Variants in ARHGAP44 observed in about 807,000 individuals in gnomAD.
ARHGAP44 encodes the protein rho GTPase-activating protein 44.
Under a neutral mutation model 106.8 loss-of-function variants are expected in ARHGAP44, and 43 were observed. The observed-to-expected ratio is 0.40, with a 90% CI of 0.32 to 0.52. The LOEUF is 0.52. Among genes scored for constraint, ARHGAP44 ranks in the 20% least tolerant of loss-of-function variants. The probability of loss-of-function intolerance (pLI) is 0.48; values close to 1 mark genes in which losing one functional copy is unlikely to be tolerated. For synonymous variants in ARHGAP44, 439 were observed against 410.3 expected, an observed-to-expected ratio of 1.07 and a Z score of -0.85; for missense variants, 866 against 1,050.5, an observed-to-expected ratio of 0.82 and a Z score of 2.43.
At chr17:12,816,109 T>C (rs1186717598) in intron 1 of ARHGAP44, among the ~76,000 whole-genome samples, 1 of 152,150 alleles carries the variant, frequency 6.6e-6, no homozygotes, top group Admixed American at 6.5e-5. Context: ...GTACCTTAGT[T>C]GCAGTATGCA....
chr17:12,900,088 A>T (rs1232507006), intron 3 of ARHGAP44, among the ~76,000 whole-genome samples: 1 of 152,112 alleles, frequency 6.6e-6, no homozygotes, highest in Non-Finnish European at 1.5e-5. Flanking sequence ...AAGAATAGAA[A>T]GCATATGAAT....
At chr17:12,905,559 A>T (rs556398734) in intron 3 of ARHGAP44, among the ~76,000 whole-genome samples, 141 of 152,040 alleles carry the variant, frequency 9.3e-4, no homozygotes, top group Non-Finnish European at 1.5e-3. Context: ...ACCTTCGTTC[A>T]TTTGGTCCCC....
chr17:12,802,753 CTTTTTTTTTTT>C (rs869172678), intron 1 of ARHGAP44, among the ~76,000 whole-genome samples: 6 of 108,712 alleles, frequency 5.5e-5, no homozygotes, highest in East Asian at 3.2e-4. Flanking sequence ...TTTTTTATTT[CTTTTTTTTTTT>C]TTTTTTTTTT....
intron 1 of ARHGAP44, among the ~76,000 whole-genome samples, chr17:12,881,535 G>A (rs527686696): frequency 4.6e-5 from 7 of 151,978 alleles, no homozygotes; most frequent in Non-Finnish European, 7.4e-5. Flanking sequence ...TTCAGTGACC[G>A]ATGCAAACAT....
intron 2 of ARHGAP44, among the ~76,000 whole-genome samples, chr17:12,896,019 C>G (rs538519855): frequency 6.7e-6 from 1 of 149,774 alleles, no homozygotes; most frequent in South Asian, 2.1e-4. Context: ...AATCAAACAC[C>G]ACATGTTCTC....
intron 1 of ARHGAP44, among the ~76,000 whole-genome samples, chr17:12,877,674 C>T (rs1369609289): frequency 5.9e-5 from 9 of 151,842 alleles, no homozygotes; most frequent in East Asian, 1.9e-4. Context: ...GGCATGAACC[C>T]GGGAGGCGGA....
At chr17:12,984,384 G>T in intron 19 of ARHGAP44, 147 bp from the exon 20 acceptor site, 1 of 743,144 alleles carries the variant, frequency 1.3e-6, no homozygotes, top group Non-Finnish European at 1.9e-6. Context: ...GCAAGAGGCC[G>T]GGGGGCAGGG....
intron 1 of ARHGAP44, among the ~76,000 whole-genome samples, chr17:12,817,867 A>C (rs748913357): frequency 3.9e-5 from 6 of 152,050 alleles, no homozygotes; most frequent in Non-Finnish European, 8.8e-5. Context: ...TACTTTTATT[A>C]CTATAAATAG....
At chr17:12,984,483 C>A (rs1044612235) in intron 19 of ARHGAP44, 48 bp from the exon 20 acceptor site, 21 of 1,498,858 alleles carry the variant, frequency 1.4e-5, no homozygotes, top group Non-Finnish European at 1.9e-5. Context: ...CAAGTGGCTT[C>A]ATTCAACAAC....
chr17:12,956,681 T>A lies in ARHGAP44; in HGVS notation c.1277T>A (p.Val426Glu). The change falls in exon 15 of 21, where the codon GTG becomes GAG. Residue 426 changes from valine to glutamate, a missense_variant. Around this residue, in one of 2 missense-constraint regions of ARHGAP44, gnomAD observed 448 missense variants for 646.9 expected, o/e 0.69. Coordinates refer to ENST00000379672, the MANE Select transcript of ARHGAP44 (RefSeq NM_014859.6). ...EGNITEMMTTVSLQIVGIIEP... is the reference protein window; with the variant it reads ...EGNITEMMTTESLQIVGIIEP... ...AACATTACAGAGATGATGACCACAG[T>A]GTCGCTGCAAATTGTTGGGATCATT... 1 of 1,614,148 alleles carries A rather than the reference T, an allele frequency of 6.2e-7. No homozygotes were observed. The highest frequency in any genetic ancestry group is 8.5e-7 in the Non-Finnish European group (1 of 1,180,020).
intron 3 of ARHGAP44, among the ~76,000 whole-genome samples, chr17:12,901,130 G>A (rs927355623): frequency 2.0e-5 from 3 of 151,882 alleles, no homozygotes; most frequent in African/African-American, 7.3e-5. Context: ...CACCATGTTG[G>A]CCAGGCTGGT....
At chr17:12,882,912 GTTGCACTGTGTT>G (rs2036780999) in intron 1 of ARHGAP44, among the ~76,000 whole-genome samples, 1 of 151,850 alleles carries the variant, frequency 6.6e-6, no homozygotes, top group Non-Finnish European at 1.5e-5. Context: ...CTCAGAATGA[GTTGCACTGTGTT>G]ACTTCTTTTT....
At chr17:12,867,399 T>G (rs2036264854) in intron 1 of ARHGAP44, among the ~76,000 whole-genome samples, 1 of 151,982 alleles carries the variant, frequency 6.6e-6, no homozygotes, top group African/African-American at 2.4e-5. Context: ...ATGTAAAGAG[T>G]AAGTCCCTGT....
intron 8 of ARHGAP44, among the ~76,000 whole-genome samples, chr17:12,942,358 G>C (rs111264131): frequency 0.01 from 1,530 of 152,266 alleles, 26 homozygotes; most frequent in African/African-American, 0.035. Context: ...TGTTGGCCAG[G>C]CTGGTCTGGA....
chr17:12,817,816 A>G (rs2034640415), intron 1 of ARHGAP44, among the ~76,000 whole-genome samples: 1 of 152,032 alleles, frequency 6.6e-6, no homozygotes, highest in Admixed American at 6.5e-5. Context: ...AAATTCACCA[A>G]AGAAGAAATA....
At chr17:12,845,069 A>G (rs2035524370) in intron 1 of ARHGAP44, among the ~76,000 whole-genome samples, 1 of 152,206 alleles carries the variant, frequency 6.6e-6, no homozygotes, top group Non-Finnish European at 1.5e-5. Context: ...GAGGGTTTAT[A>G]GAAGATTGCC....
At chr17:12,886,726 A>G (rs988354886) in intron 1 of ARHGAP44, among the ~76,000 whole-genome samples, 4 of 152,038 alleles carry the variant, frequency 2.6e-5, no homozygotes, top group Non-Finnish European at 2.9e-5. Context: ...CTATTATATC[A>G]TCTGCAAATG....
rs11373135 is a variant in ARHGAP44 at position 12,849,594 on chromosome 17, T to TTTTTTTTTTG, written c.54-45346_54-45345insTTTTTTTTTG. Among the ~76,000 whole-genome samples, 11 of 112,456 alleles carry TTTTTTTTTTG rather than the reference T, an allele frequency of 9.8e-5. 2 individuals are homozygous for TTTTTTTTTTG. The highest frequency in any genetic ancestry group is 3.1e-4 in the African/African-American group (7 of 22,812). 73.8% of individuals were successfully genotyped at this position (112,456 alleles called of 152,430 possible). ...TTTTTTTTTTTTTTTTTTTTTTTTT[T>TTTTTTTTTTG]GCTTGGCTTCAGCGTTTTCACCTTG... On this transcript the variant is annotated intron_variant, in intron 1 of 20. Coordinates refer to ENST00000379672, the MANE Select transcript of ARHGAP44 (RefSeq NM_014859.6).
At chr17:12,901,595 G>A (rs1450835510) in intron 3 of ARHGAP44, among the ~76,000 whole-genome samples, 1 of 152,044 alleles carries the variant, frequency 6.6e-6, no homozygotes, top group African/African-American at 2.4e-5. Flanking sequence ...GAGTGGATGT[G>A]GGCGTATGAA....
Sources: allele counts gnomAD v4.1 joint callset (sites outside exome capture counted in the v4.1 genomes callset), GRCh38; gene constraint gnomAD v4.1.1; regional missense constraint gnomAD v4.1.1; transcripts MANE v1.5; gene names NCBI Gene and HGNC (gene_info 2026-07-23, HGNC 2026-07-21).